Variants in GPALPP1 observed in about 807,000 individuals in gnomAD.
The protein encoded by GPALPP1 is GPALPP motifs-containing protein 1.
In GPALPP1, 30 loss-of-function variants were observed where a neutral mutation model predicts 38.9. The observed-to-expected ratio is 0.77, with a 90% CI of 0.58 to 1.05. GPALPP1 has a LOEUF of 1.05. Among genes scored for constraint, GPALPP1 ranks in the 50% least tolerant of loss-of-function variants. The pLI is 0.00. For synonymous variants in GPALPP1, 120 were observed against 139.2 expected, an observed-to-expected ratio of 0.86 and a Z score of 0.97; for missense variants, 384 against 408.8, an observed-to-expected ratio of 0.94 and a Z score of 0.52.
Position 45,015,586 on chromosome 13 carries a change from G to C in GPALPP1, c.695G>C (p.Arg232Thr). ...IWTDTPADRERKAKETQEARK... is the reference protein window; with the variant it reads ...IWTDTPADRETKAKETQEARK... ...ACAGATACTCCAGCTGATAGGGAAA[G>C]GAAAGCTAAGGTGAGAGGTTTTGTT... Residue 232 changes from arginine (R) to threonine (T), a missense_variant, in exon 6 of 8, where the codon AGG (arginine) becomes ACG (threonine). By Grantham distance (71) the Arg-to-Thr change is moderately conservative. Transcript: ENST00000379151. The C allele has an allele frequency of 6.6e-7, 1 of 1,513,564 alleles. No individual in the cohort carries two copies. The highest frequency in any genetic ancestry group is 8.8e-7 in the Non-Finnish European group (1 of 1,131,034). The allele number at this position is 1,513,564 out of a possible 1,614,324, so 93.8% of individuals were successfully genotyped here. A position where few individuals can be genotyped will look rare whatever the true frequency, so the allele number is the denominator to read the frequency against.
intron 1 of GPALPP1, 36 bp downstream of exon 1, chr13:44,989,778 T>G (rs370036086): frequency 6.7e-7 from 1 of 1,488,942 alleles, no homozygotes; most frequent in African/African-American, 1.4e-5. Context: ...ACCAGGCCCA[T>G]CTACCCACTC....
At position 45,008,715 on chromosome 13, in the gene GPALPP1, T is replaced by G. The variant is rs1874269352; in HGVS notation, c.324-80T>G. ...TTTCAACATTTGTCACTATTTGGCT[T>G]TATTATTTTTGTGAACTTTTATTCT... On this transcript the variant is annotated intron_variant, in intron 3 of 7. Transcript: ENST00000379151. 4.1e-5 allele frequency: 30 copies of G among 723,254 alleles called. 1 individual carries two copies. The South Asian group carries it at 4.7e-4, about 11-fold the overall frequency. The allele number at this position is 723,254 out of a possible 1,614,324, so 44.8% of individuals were successfully genotyped here. A position where few individuals can be genotyped will look rare whatever the true frequency, so the allele number is the denominator to read the frequency against.
chr13:45,033,999 C>CA (rs1200586955), downstream of GPALPP1: 2 of 151,988 alleles, frequency 1.3e-5, no homozygotes, highest in Admixed American at 6.6e-5. Context: ...TGAAAGTGAC[C>CA]AAAAGAGATG....
intron 4 of GPALPP1, among the ~76,000 whole-genome samples, chr13:45,011,820 C>T (rs977414379): frequency 8.5e-5 from 13 of 152,066 alleles, no homozygotes; most frequent in African/African-American, 2.4e-4. Flanking sequence ...AGGCTAAGTA[C>T]GAGGACTCCT....
intron 4 of GPALPP1, among the ~76,000 whole-genome samples, chr13:45,012,219 G>A (rs1371425221): frequency 6.6e-6 from 1 of 152,090 alleles, no homozygotes. Context: ...TGTAAAAGGA[G>A]GACAAGGGGA....
intron 7 of GPALPP1, among the ~76,000 whole-genome samples, chr13:45,021,176 C>T (rs956267460): frequency 1.3e-5 from 2 of 152,120 alleles, no homozygotes; most frequent in Non-Finnish European, 2.9e-5. Context: ...TGTCCCCGCT[C>T]AAAGAATAAA....
At position 44,996,763 on chromosome 13, in the gene GPALPP1, G is replaced by A. The variant is rs574158264; in HGVS notation, c.88+7021G>A. On this transcript the variant is annotated intron_variant, in intron 1 of 7. Transcript: ENST00000379151. ...CTCCCAAAGTACTGGGATTACAGGC[G>A]TGAGCCACTGTGCCCAGCCTCTTTT... 1.4e-4 allele frequency among the ~76,000 whole-genome samples: 21 copies of A among 145,794 alleles called. No homozygotes were observed. In the East Asian group the frequency reaches 3.0e-3, roughly 21 times the overall value.
At chr13:45,024,382 C>T (rs528957473) in intron 7 of GPALPP1, among the ~76,000 whole-genome samples, 12 of 151,762 alleles carry the variant, frequency 7.9e-5, no homozygotes, top group African/African-American at 2.7e-4. Context: ...TTACTGCAGT[C>T]TCCACCTCCT....
chr13:45,004,956 A>G (rs1306553251), intron 2 of GPALPP1, among the ~76,000 whole-genome samples: 1 of 151,282 alleles, frequency 6.6e-6, no homozygotes, highest in African/African-American at 2.4e-5. Context: ...ACACCAGCCA[A>G]TAAAATTCTT....
intron 6 of GPALPP1, among the ~76,000 whole-genome samples, chr13:45,016,669 G>C (rs1221937729): frequency 6.6e-6 from 1 of 152,008 alleles, no homozygotes; most frequent in Non-Finnish European, 1.5e-5. Flanking sequence ...AAGAGACAAG[G>C]TCTCTCTGTC....
At chr13:44,997,556 G>A (rs1359311136) in intron 1 of GPALPP1, among the ~76,000 whole-genome samples, 2 of 152,012 alleles carry the variant, frequency 1.3e-5, no homozygotes, top group African/African-American at 4.8e-5. Context: ...CCCTACTCCA[G>A]CTCCAAAAAC....
At chr13:45,016,414 G>A (rs761278914) in intron 6 of GPALPP1, among the ~76,000 whole-genome samples, 5 of 151,692 alleles carry the variant, frequency 3.3e-5, no homozygotes, top group East Asian at 1.9e-4. Context: ...AGATTGCGCC[G>A]CTGCACTCCA....
At chr13:45,008,923 T>A (rs373611915) in intron 4 of GPALPP1, 44 bp downstream of exon 4, 4 of 1,127,292 alleles carry the variant, frequency 3.5e-6, no homozygotes, top group Non-Finnish European at 5.4e-6. Context: ...AAAGTTTTCA[T>A]TGAAAGAATA....
At chr13:45,020,282 A>T (rs754430693) in intron 6 of GPALPP1, 48 bp from the exon 7 acceptor site, 1 of 756,934 alleles carries the variant, frequency 1.3e-6, no homozygotes, top group Non-Finnish European at 2.3e-6. Context: ...TTTTTGTTTT[A>T]TCTTAATCTT....
intron 1 of GPALPP1, 151 bp from the exon 2 acceptor site, chr13:45,004,154 G>C (rs994947113): frequency 1.6e-6 from 1 of 625,226 alleles, no homozygotes; most frequent in Non-Finnish European, 2.8e-6. Flanking sequence ...CAAAACCACT[G>C]TACACAAACA....
chr13:45,034,683 G>A (rs1876340675), downstream of GPALPP1: 1 of 150,882 alleles, frequency 6.6e-6, no homozygotes, highest in Non-Finnish European at 1.5e-5. Flanking sequence ...CCTGGGAGGT[G>A]AAAGGAAGCT....
At chr13:45,022,641 G>C (rs1005785728) in intron 7 of GPALPP1, among the ~76,000 whole-genome samples, 1 of 152,020 alleles carries the variant, frequency 6.6e-6, no homozygotes, top group Non-Finnish European at 1.5e-5. Flanking sequence ...TTGATAAGTC[G>C]AGCAGTCTTT....
chr13:45,024,156 T>TGTGTGTGTGTGTGC (rs1875616610), intron 7 of GPALPP1, among the ~76,000 whole-genome samples: 1 of 6,232 alleles, frequency 1.6e-4, no homozygotes, highest in African/African-American at 3.2e-4. Context: ...TCTGTGTGTG[T>TGTGTGTGTGTGTGC]GTGTGTGTGT....
intron 4 of GPALPP1, among the ~76,000 whole-genome samples, chr13:45,014,225 A>G (rs1022777852): frequency 1.2e-4 from 19 of 152,322 alleles, no homozygotes; most frequent in Admixed American, 2.0e-4. Flanking sequence ...AAATTTCATT[A>G]TAGCTTTTAC....
Sources: gnomAD v4.1 joint callset for allele counts (sites outside exome capture counted in the v4.1 genomes callset) on GRCh38, gnomAD v4.1.1 for gene constraint, MANE v1.5 for transcripts, NCBI Gene and HGNC (gene_info 2026-07-23, HGNC 2026-07-21) for gene names.